Variants in EPCAM observed in about 807,000 individuals in gnomAD.
EPCAM encodes epithelial cell adhesion molecule.
EPCAM carries 39 observed loss-of-function variants against 40.0 expected under a neutral mutation model. That is an observed-to-expected ratio of 0.98 (90% CI 0.76 to 1.27). EPCAM has a LOEUF of 1.27. EPCAM is among the 50% of genes most tolerant of loss of function. The pLI is 0.00. For missense variants in EPCAM, 503 were observed against 381.2 expected (o/e 1.32, Z -2.66); for synonymous variants, 168 against 132.3 (o/e 1.27, Z -1.85).
rs773858628 is a variant in EPCAM at position 47,386,624 on chromosome 2, T to G, written c.*11T>G. 7.5e-6 allele frequency: 12 copies of G among 1,590,210 alleles called. No individual in the cohort carries two copies. The East Asian group carries it at 1.8e-4, about 24-fold the overall frequency. The stretch of plus-strand genomic sequence containing the variant: ...GAACTCAATGCATAACTATATAATT[T>G]GAAGATTATAGAAGAAGGGAAATAG... On this transcript the variant is annotated 3_prime_UTR_variant, in exon 9 of 9. Coordinates refer to ENST00000263735, the MANE Select transcript of EPCAM (RefSeq NM_002354.3).
At chr2:47,371,120 C>CAG (rs1671251311) in intron 1 of EPCAM, among the ~76,000 whole-genome samples, 1 of 152,248 alleles carries the variant, frequency 6.6e-6, no homozygotes. Context: ...GCTGGGATTA[C>CAG]AGGCGTGCAT....
intron 1 of EPCAM, among the ~76,000 whole-genome samples, chr2:47,372,633 G>T (rs1671303779): frequency 6.6e-6 from 1 of 152,114 alleles, no homozygotes; most frequent in South Asian, 2.1e-4. Flanking sequence ...TTAGCCAGGT[G>T]TGGTGGCATA....
chr2:47,379,186 C>T (rs1018051274), intron 6 of EPCAM, 132 bp downstream of exon 6: 15 of 673,716 alleles, frequency 2.2e-5, no homozygotes, highest in Non-Finnish European at 4.1e-5. Context: ...TTAATTTTGT[C>T]CTCCCTGTCA....
intron 7 of EPCAM, chr2:47,383,305 G>GAA (rs372391242): frequency 1.9e-4 from 23 of 124,124 alleles, no homozygotes; most frequent in East Asian, 4.7e-4. Context: ...GACTCCATCT[G>GAA]AAAAAAAAAA....
intron 5 of EPCAM, chr2:47,377,766 T>G (rs1356598125): frequency 2.2e-6 from 1 of 464,320 alleles, no homozygotes; most frequent in Non-Finnish European, 4.4e-6. Flanking sequence ...TTACTGGAGC[T>G]CCCATCTTCT....
In EPCAM at chr2:47,385,060, T is replaced by C. The variant is rs1471286121; in HGVS notation, c.859-106T>C. The C allele has an allele frequency of 1.7e-5, 15 of 905,286 alleles. No homozygotes were observed. The Admixed American group carries it at 2.7e-4, about 16-fold the overall frequency. The allele number at this position is 905,286 out of a possible 1,614,324, so 56.1% of individuals were successfully genotyped here. On this transcript the variant is annotated intron_variant, in intron 7 of 8. Transcript: ENST00000263735. ...GTTTATGGATAGATGTTAAAATTAG[T>C]TTTTTTTCAGATCAAAATTATGTCC...
At chr2:47,374,946 C>G (rs984005439) in intron 3 of EPCAM, among the ~76,000 whole-genome samples, 5 of 152,110 alleles carry the variant, frequency 3.3e-5, no homozygotes, top group East Asian at 1.9e-4. Flanking sequence ...CCTTTCATGC[C>G]TTTTCATCTT....
At position 47,386,563 on chromosome 2, in the gene EPCAM, C is replaced by T. The variant is rs377687304; in HGVS notation, c.904-9C>T. 6.3e-7 allele frequency: 1 copy of T among 1,593,046 alleles called. No homozygotes were observed. The highest frequency in any genetic ancestry group is 1.3e-5 in the African/African-American group (1 of 74,468). On this transcript the variant is annotated splice_polypyrimidine_tract_variant and intron_variant, in intron 8 of 8. Transcript: ENST00000263735. ...TTAGAATTTTTTTCTGTGCTTTTTC[C>T]TGTTTCAGATAAAGGAGATGGGTGA...
At position 47,369,328 on chromosome 2, in the gene EPCAM, C is replaced by A. The variant is rs1051432084; in HGVS notation, c.-178C>A. The A allele has an allele frequency of 2.3e-6, 3 of 1,326,932 alleles. No individual in the cohort carries two copies. Among genetic ancestry groups the A allele is most frequent in the Non-Finnish European group, 2.9e-6 (3 of 1,018,196 alleles). The allele number at this position is 1,326,932 out of a possible 1,614,324, so 82.2% of individuals were successfully genotyped here. ...CCGCGCGCACAGAGCGCTAGTCCTT[C>A]GGCGAGCGAGCACCTTCGACGCGGT... On this transcript the variant is annotated 5_prime_UTR_variant, in exon 1 of 9. Coordinates refer to ENST00000263735, the MANE Select transcript of EPCAM (RefSeq NM_002354.3).
intron 1 of EPCAM, among the ~76,000 whole-genome samples, chr2:47,373,216 A>C (rs957389130): frequency 1.0e-3 from 141 of 140,456 alleles, no homozygotes; most frequent in East Asian, 4.1e-3. Context: ...AAAAAAAAAA[A>C]AAAAAAAAAA....
In EPCAM at chr2:47,379,791, A is replaced by G; in HGVS notation, c.680A>G (p.His227Arg). The change falls in exon 7 of 9, where the codon CAT becomes CGT. Residue 227 changes from histidine (H) to arginine (R), a missense_variant. Coordinates refer to ENST00000263735, the MANE Select transcript of EPCAM (RefSeq NM_002354.3). ...CAGGTTAAAGGTGAATCCTTGTTTCATTCTAAGAAAATGGACCTGACAGTA... is the reference window on the plus strand; with the variant it reads ...CAGGTTAAAGGTGAATCCTTGTTTCGTTCTAAGAAAATGGACCTGACAGTA... ...EKDVKGESLF[H>R]SKKMDLTVNG... 1 of 1,613,570 alleles carries G rather than the reference A, an allele frequency of 6.2e-7. No individual in the cohort carries two copies. The highest frequency in any genetic ancestry group is 1.1e-5 in the South Asian group (1 of 91,070).
intron 7 of EPCAM, among the ~76,000 whole-genome samples, chr2:47,382,777 C>T (rs188285630): frequency 1.4e-3 from 216 of 152,180 alleles, no homozygotes; most frequent in Non-Finnish European, 1.9e-3. Context: ...ATTGTATCTA[C>T]GATAGGGAAT....
Position 47,386,817 on chromosome 2 carries a change from T to C in EPCAM, c.*204T>C, listed in dbSNP as rs555217033. 2.2e-6 allele frequency: 1 copy of C among 452,034 alleles called. No individual in the cohort carries two copies. Among genetic ancestry groups the C allele is most frequent in the East Asian group, 3.2e-5 (1 of 31,580 alleles). 28.0% of individuals were successfully genotyped at this position (452,034 alleles called of 1,614,324 possible). A position where few individuals can be genotyped will look rare whatever the true frequency, so the allele number is the denominator to read the frequency against. On this transcript the variant is annotated 3_prime_UTR_variant, in exon 9 of 9. Coordinates refer to ENST00000263735, the MANE Select transcript of EPCAM (RefSeq NM_002354.3). ...TTGAAATTTGACCACAAGTGTCTTA[T>C]ATATGCAGATCTAATGTAAAATCCA...
At chr2:47,369,979 C>T (rs1359686407) in intron 1 of EPCAM, among the ~76,000 whole-genome samples, 1 of 152,200 alleles carries the variant, frequency 6.6e-6, no homozygotes, top group Non-Finnish European at 1.5e-5. Context: ...GGAGTCTTTA[C>T]GACAGGGACC....
chr2:47,369,791 C>T (rs917763244), intron 1 of EPCAM: 1 of 693,068 alleles, frequency 1.4e-6, no homozygotes, highest in Non-Finnish European at 2.7e-6. Flanking sequence ...AGCCTCACTT[C>T]GCAGCTTTGC....
rs759655916 is a variant in EPCAM, at chr2:47,374,056, G to A, written c.425+8G>A. The A allele has an allele frequency of 6.2e-7, 1 of 1,614,002 alleles. No homozygotes were observed. The highest frequency in any genetic ancestry group is 8.5e-7 in the Non-Finnish European group (1 of 1,179,966). On this transcript the variant is annotated splice_region_variant and intron_variant, in intron 3 of 8. Coordinates refer to ENST00000263735, the MANE Select transcript of EPCAM (RefSeq NM_002354.3). ...TGAGCGAGTGAGAACCTAGTGAGTG[G>A]GGCTGCCTATACTACTTGTTTTCAT...
At position 47,369,515 on chromosome 2, in the gene EPCAM, C is replaced by G. The variant is rs1252339742; in HGVS notation, c.10C>G (p.Pro4Ala). MAPPQVLAFGLLLA... is the reference protein window; with the variant it reads MAPAQVLAFGLLLA... ...TCGGCGCGCGCGCAGCATGGCGCCC[C>G]CGCAGGTCCTCGCGTTCGGGCTTCT... The change falls in exon 1 of 9, where the codon CCG (proline) becomes GCG (alanine). Residue 4 changes from proline (P) to alanine (A), a missense_variant. Physicochemically the swap from Pro to Ala is conservative, Grantham distance 27. Transcript: ENST00000263735. 1.3e-6 allele frequency: 2 copies of G among 1,562,782 alleles called. No homozygotes were observed. The highest frequency in any genetic ancestry group is 1.7e-6 in the Non-Finnish European group (2 of 1,160,460).
chr2:47,372,040 A>T (rs896435888), intron 1 of EPCAM, among the ~76,000 whole-genome samples: 10 of 152,196 alleles, frequency 6.6e-5, no homozygotes, highest in Non-Finnish European at 4.4e-5. Context: ...AAGTTAAATG[A>T]ACTTTTGAGG....
chr2:47,378,252 A>G (rs537418667), intron 5 of EPCAM, among the ~76,000 whole-genome samples: 1 of 151,710 alleles, frequency 6.6e-6, no homozygotes, highest in African/African-American at 2.4e-5. Context: ...CAAAAAAACA[A>G]CATGGAAAAT....
Sources: gnomAD v4.1 joint callset for allele counts (sites outside exome capture counted in the v4.1 genomes callset) on GRCh38, gnomAD v4.1.1 for gene constraint, MANE v1.5 for transcripts, NCBI Gene and HGNC (gene_info 2026-07-23, HGNC 2026-07-21) for gene names.